RIMS2: variants seen among roughly 807,000 people sequenced by gnomAD.
RIMS2 encodes regulating synaptic membrane exocytosis protein 2.
RIMS2 carries 59 observed loss-of-function variants against 174.4 expected under a neutral mutation model. The observed-to-expected ratio is 0.34, with a 90% CI of 0.27 to 0.42. The LOEUF is 0.42. RIMS2 is among the 10% of genes least tolerant of loss of function. The pLI is 1.00. For missense variants in RIMS2, 1,620 were observed against 1,666.3 expected (o/e 0.97, Z 0.48); for synonymous variants, 606 against 572.5 (o/e 1.06, Z -0.84).
chr8:104,001,608 C>CT (rs148252820), intron 17 of RIMS2, among the ~76,000 whole-genome samples: 19,288 of 151,638 alleles, frequency 0.13, 1,691 homozygotes, highest in Non-Finnish European at 0.19. Flanking sequence ...GTAACTTTCT[C>CT]TTTTTTTTAT....
At chr8:103,520,078 T>C (rs796205147) in intron 1 of RIMS2, among the ~76,000 whole-genome samples, 23 of 152,236 alleles carry the variant, frequency 1.5e-4, no homozygotes, top group African/African-American at 5.1e-4. Context: ...CATATCCTAG[T>C]TTCCCAGTTA....
chr8:103,984,017 CA>C (rs879924449), intron 16 of RIMS2, among the ~76,000 whole-genome samples: 2 of 150,458 alleles, frequency 1.3e-5, no homozygotes, highest in South Asian at 4.2e-4. Context: ...ACTAAAAATA[CA>C]AAAAAAAATA....
At chr8:103,693,421 G>T (rs1274237502) in intron 1 of RIMS2, among the ~76,000 whole-genome samples, 1 of 152,148 alleles carries the variant, frequency 6.6e-6, no homozygotes, top group African/African-American at 2.4e-5. Flanking sequence ...TGGTGTTCCT[G>T]TGAGGAGGAT....
At chr8:103,711,732 C>A (rs1437191422) in intron 2 of RIMS2, among the ~76,000 whole-genome samples, 6 of 151,862 alleles carry the variant, frequency 4.0e-5, no homozygotes, top group Non-Finnish European at 7.4e-5. Flanking sequence ...CTCATCTCTA[C>A]CAAAAATACA....
intron 19 of RIMS2, among the ~76,000 whole-genome samples, chr8:104,196,844 T>A (rs912959611): frequency 2.6e-5 from 4 of 152,200 alleles, no homozygotes; most frequent in African/African-American, 9.6e-5. Context: ...ATTTTGAAAA[T>A]GATTTTTAAG....
chr8:103,938,396 A>G (rs2081772858), intron 13 of RIMS2, among the ~76,000 whole-genome samples: 1 of 152,096 alleles, frequency 6.6e-6, no homozygotes, highest in Non-Finnish European at 1.5e-5. Flanking sequence ...TTATAAAACC[A>G]TCAGATCTCG....
rs78774556 is a variant in RIMS2 at position 104,209,904 on chromosome 8, G to A, written c.3335-35012G>A. On this transcript the variant is annotated intron_variant, in intron 19 of 23. Coordinates refer to ENST00000504942, the Ensembl canonical transcript of RIMS2. The stretch of plus-strand genomic sequence containing the variant: ...GACATATATAATAAAAAATGAAATT[G>A]AGTCTATAAAAAGTAAGGGAAAGGG... Among the ~76,000 whole-genome samples the A allele has an allele frequency of 4.4e-3, 674 of 152,236 alleles. 5 individuals are homozygous for A. The highest frequency in any genetic ancestry group is 0.015 in the African/African-American group (635 of 41,538).
chr8:103,539,088 A>G (rs1841311772), intron 1 of RIMS2, among the ~76,000 whole-genome samples: 1 of 152,190 alleles, frequency 6.6e-6, no homozygotes. Context: ...AATCTCAGCT[A>G]CTTGAGAGGC....
intron 19 of RIMS2, among the ~76,000 whole-genome samples, chr8:104,094,962 G>A (rs1390094846): frequency 2.6e-5 from 4 of 151,986 alleles, no homozygotes; most frequent in African/African-American, 9.7e-5. Context: ...TACCAAGTTC[G>A]TTATGAGTAG....
intron 19 of RIMS2, among the ~76,000 whole-genome samples, chr8:104,207,192 T>C (rs373367132): frequency 9.2e-5 from 14 of 152,296 alleles, no homozygotes; most frequent in African/African-American, 3.4e-4. Context: ...ATGACTAATA[T>C]CTAGGCCTAC....
chr8:104,095,967 C>T (rs897850179), intron 19 of RIMS2, among the ~76,000 whole-genome samples: 1 of 152,016 alleles, frequency 6.6e-6, no homozygotes, highest in African/African-American at 2.4e-5. Flanking sequence ...GTATAACAGG[C>T]ATTAAACATA....
At chr8:104,192,666 C>T (rs1371566103) in intron 19 of RIMS2, among the ~76,000 whole-genome samples, 2 of 152,140 alleles carry the variant, frequency 1.3e-5, no homozygotes, top group African/African-American at 4.8e-5. Context: ...AACCCAGAAT[C>T]TAATGCTGAA....
At chr8:103,610,197 G>T (rs926927926) in intron 1 of RIMS2, among the ~76,000 whole-genome samples, 6 of 152,136 alleles carry the variant, frequency 3.9e-5, no homozygotes, top group African/African-American at 1.4e-4. Flanking sequence ...CTGAAACCTT[G>T]CTGAAGTTGT....
chr8:103,985,205 G>A (rs1338101673), intron 16 of RIMS2, among the ~76,000 whole-genome samples: 1 of 152,048 alleles, frequency 6.6e-6, no homozygotes, highest in African/African-American at 2.4e-5. Flanking sequence ...GCCAGGCACG[G>A]TGGCTTACAC....
exon 24 of RIMS2, chr8:104,251,852 A>T: frequency 9.5e-7 from 1 of 1,054,342 alleles, no homozygotes; most frequent in Non-Finnish European, 1.3e-6. Flanking sequence ...CACAGCAACC[A>T]GCGTTACAAA....
At position 103,872,767 on chromosome 8, in the gene RIMS2, A is replaced by G. The variant is rs377420787; in HGVS notation, c.699-12531A>G. On this transcript the variant is annotated intron_variant, in intron 3 of 23. Coordinates refer to ENST00000504942, the Ensembl canonical transcript of RIMS2. Reference sequence around the variant, plus strand: ...GAATGCGTAGCTTTGTAGAAACTGTACCTAATAAACTTCTATCTAAATCTT... The same window carrying G: ...GAATGCGTAGCTTTGTAGAAACTGTGCCTAATAAACTTCTATCTAAATCTT... 2.4e-4 allele frequency among the ~76,000 whole-genome samples: 37 copies of G among 152,320 alleles called. No individual in the cohort carries two copies. In the East Asian group the frequency reaches 3.1e-3, roughly 13 times the overall value.
At chr8:104,160,116 G>A (rs12334374) in intron 19 of RIMS2, among the ~76,000 whole-genome samples, 1,511 of 150,498 alleles carry the variant, frequency 0.01, 14 homozygotes, top group African/African-American at 0.033. Context: ...TCCAGCTTGG[G>A]TGACAGAACA....
At chr8:103,860,786 ATG>A (rs1026997513) in intron 3 of RIMS2, among the ~76,000 whole-genome samples, 13 of 66,770 alleles carry the variant, frequency 1.9e-4, no homozygotes, top group African/African-American at 1.1e-3. Context: ...TTGTAAAATA[ATG>A]TTTTTTTTTT....
chr8:103,872,816 G>T (rs1461445001), intron 3 of RIMS2, among the ~76,000 whole-genome samples: 4 of 152,128 alleles, frequency 2.6e-5, no homozygotes, highest in Non-Finnish European at 5.9e-5. Context: ...ACAGCCATGA[G>T]AAAACCCAGA....
Sources: allele counts gnomAD v4.1 joint callset (sites outside exome capture counted in the v4.1 genomes callset), GRCh38; gene constraint gnomAD v4.1.1; transcripts MANE v1.5; gene names NCBI Gene and HGNC (gene_info 2026-07-23, HGNC 2026-07-21).